The following RBMS3 variants were observed in gnomAD, a reference collection of about 807,000 sequenced individuals.
The protein encoded by RBMS3 is RNA binding motif single stranded interacting protein 3.
RBMS3 carries 27 observed loss-of-function variants against 66.8 expected under a neutral mutation model. The ratio of observed to expected loss-of-function variants is 0.40; its 90% CI spans 0.30 to 0.56. RBMS3 has a LOEUF of 0.56. Among genes scored for constraint, RBMS3 ranks in the 20% least tolerant of loss-of-function variants. The probability of loss-of-function intolerance (pLI) is 0.40; values close to 1 mark genes in which losing one functional copy is unlikely to be tolerated. For missense variants in RBMS3, 513 were observed against 549.5 expected (o/e 0.93, Z 0.66); for synonymous variants, 188 against 183.0 (o/e 1.03, Z -0.22).
chr3:29,348,807 A>C (rs1163748258), intron 1 of RBMS3, among the ~76,000 whole-genome samples: 1 of 152,182 alleles, frequency 6.6e-6, no homozygotes, highest in African/African-American at 2.4e-5. Flanking sequence ...TAGAATGTGC[A>C]GCTCCCATTC....
chr3:29,515,154 G>T (rs2044573328), intron 3 of RBMS3, among the ~76,000 whole-genome samples: 1 of 152,196 alleles, frequency 6.6e-6, no homozygotes, highest in Non-Finnish European at 1.5e-5. Flanking sequence ...AAAGGCTTAG[G>T]TGAAAGCTGC....
chr3:30,000,963 T>A (rs1421266098), intron 14 of RBMS3, among the ~76,000 whole-genome samples: 1 of 151,706 alleles, frequency 6.6e-6, no homozygotes, highest in Non-Finnish European at 1.5e-5. Flanking sequence ...GTACAGCAAA[T>A]CACCATGGCA....
chr3:29,610,629 G>A (rs1175146640), intron 4 of RBMS3, among the ~76,000 whole-genome samples: 1 of 151,984 alleles, frequency 6.6e-6, no homozygotes, highest in Non-Finnish European at 1.5e-5. Flanking sequence ...TGCTATGCAG[G>A]AACTGAAATA....
chr3:29,704,418 C>G (rs2052779583), intron 4 of RBMS3, among the ~76,000 whole-genome samples: 1 of 151,624 alleles, frequency 6.6e-6, no homozygotes, highest in African/African-American at 2.4e-5. Flanking sequence ...CATTTTGGCC[C>G]TTACACATTT....
intron 2 of RBMS3, among the ~76,000 whole-genome samples, chr3:29,452,144 C>T (rs549736149): frequency 1.3e-5 from 2 of 152,108 alleles, no homozygotes; most frequent in East Asian, 1.9e-4. Context: ...GTAAGAAGCT[C>T]GTAGTCTCTG....
chr3:29,720,857 G>A (rs764014167), intron 4 of RBMS3, among the ~76,000 whole-genome samples: 4 of 152,076 alleles, frequency 2.6e-5, no homozygotes, highest in African/African-American at 4.8e-5. Context: ...GAGGCCTGCT[G>A]TCATTGTCTG....
chr3:29,413,435 C>T (rs1343373939), intron 1 of RBMS3, among the ~76,000 whole-genome samples: 5 of 150,384 alleles, frequency 3.3e-5, no homozygotes, highest in African/African-American at 1.2e-4. Context: ...CACAGAGTTG[C>T]AGCAGAAAAG....
Position 29,389,657 on chromosome 3 carries a change from G to A in RBMS3, c.76-45086G>A, listed in dbSNP as rs117319947. ...AAATATGCTTAGCAAAAGTATATTC[G>A]TTGTTTCTGAAGTTCTCTGTGCTGA... On this transcript the variant is annotated intron_variant, in intron 1 of 14. Coordinates refer to ENST00000383767, the MANE Select transcript of RBMS3 (RefSeq NM_001003793.3). 2.6e-4 allele frequency among the ~76,000 whole-genome samples: 39 copies of A among 152,254 alleles called. No homozygotes were observed. In the East Asian group the frequency reaches 5.6e-3, roughly 22 times the overall value.
intron 4 of RBMS3, among the ~76,000 whole-genome samples, chr3:29,674,797 A>C (rs2051168189): frequency 6.6e-6 from 1 of 152,054 alleles, no homozygotes; most frequent in Non-Finnish European, 1.5e-5. Flanking sequence ...ATGGATAGGA[A>C]GAATCAATAT....
intron 1 of RBMS3, among the ~76,000 whole-genome samples, chr3:29,357,560 AC>A (rs1010481417): frequency 6.6e-6 from 1 of 152,194 alleles, no homozygotes; most frequent in African/African-American, 2.4e-5. Flanking sequence ...TTGGGTATAT[AC>A]CCAGTAATGG....
intron 1 of RBMS3, among the ~76,000 whole-genome samples, chr3:29,358,367 A>T (rs1408036641): frequency 2.6e-5 from 4 of 152,000 alleles, no homozygotes; most frequent in Non-Finnish European, 4.4e-5. Flanking sequence ...GATGTGTGGT[A>T]TTATTTCTAA....
At chr3:29,512,466 A>C (rs1264126587) in intron 3 of RBMS3, among the ~76,000 whole-genome samples, 1 of 152,208 alleles carries the variant, frequency 6.6e-6, no homozygotes, top group East Asian at 1.9e-4. Flanking sequence ...AAGTATTCAC[A>C]AATATATCTG....
At chr3:29,372,710 T>C (rs916782972) in intron 1 of RBMS3, among the ~76,000 whole-genome samples, 3 of 152,124 alleles carry the variant, frequency 2.0e-5, no homozygotes, top group Non-Finnish European at 4.4e-5. Context: ...CACATCTTTC[T>C]TGTGTGATGG....
chr3:29,415,199 T>C (rs1190192981), intron 1 of RBMS3, among the ~76,000 whole-genome samples: 1 of 152,224 alleles, frequency 6.6e-6, no homozygotes, highest in Non-Finnish European at 1.5e-5. Flanking sequence ...TTCTGTTGGA[T>C]GTTTAGACAG....
At chr3:29,818,214 G>A (rs2057969929) in intron 6 of RBMS3, among the ~76,000 whole-genome samples, 1 of 151,992 alleles carries the variant, frequency 6.6e-6, no homozygotes, top group Non-Finnish European at 1.5e-5. Context: ...TCAATAACTA[G>A]TAAATGACCT....
intron 14 of RBMS3, among the ~76,000 whole-genome samples, chr3:29,996,783 T>C (rs1036541743): frequency 2.0e-5 from 3 of 152,064 alleles, no homozygotes; most frequent in Non-Finnish European, 1.5e-5. Flanking sequence ...TAGAGGGAAA[T>C]TTATAGCACT....
At chr3:29,381,032 C>T (rs530692218) in intron 1 of RBMS3, among the ~76,000 whole-genome samples, 1 of 152,266 alleles carries the variant, frequency 6.6e-6, no homozygotes, top group South Asian at 2.1e-4. Flanking sequence ...TCTCGATACT[C>T]CATATGATAC....
intron 14 of RBMS3, among the ~76,000 whole-genome samples, chr3:30,002,452 A>G (rs1156623259): frequency 1.3e-5 from 2 of 152,110 alleles, no homozygotes; most frequent in East Asian, 3.9e-4. Flanking sequence ...CCTTAGTAAT[A>G]TAGATTTTTA....
chr3:29,329,248 G>T (rs1240634227), intron 1 of RBMS3, among the ~76,000 whole-genome samples: 1 of 152,076 alleles, frequency 6.6e-6, no homozygotes, highest in African/African-American at 2.4e-5. Flanking sequence ...GAGCATAACT[G>T]CATCCATACT....
Sources: gnomAD v4.1 joint callset for allele counts (sites outside exome capture counted in the v4.1 genomes callset) on GRCh38, gnomAD v4.1.1 for gene constraint, MANE v1.5 for transcripts, NCBI Gene and HGNC (gene_info 2026-07-23, HGNC 2026-07-21) for gene names.